Variants in SERPINE2 observed in about 807,000 individuals in gnomAD.
SERPINE2 encodes the protein serpin family E member 2.
A neutral mutation model predicts 36.3 loss-of-function variants in SERPINE2; 14 were observed. That is an observed-to-expected ratio of 0.39 (90% confidence interval 0.25 to 0.60). SERPINE2 has a LOEUF of 0.60. Ranked by LOEUF, SERPINE2 falls within the 20% of genes least tolerant of loss-of-function variation. SERPINE2 has a pLI of 0.57. For synonymous variants in SERPINE2, 192 were observed against 191.8 expected (o/e 1.00, Z -0.01); for missense variants, 418 against 499.6 (o/e 0.84, Z 1.56).
At position 224,031,449 on chromosome 2, in the gene SERPINE2, C is replaced by T. The variant is rs1172635600; in HGVS notation, c.-23+7650G>A. On this transcript the variant is annotated intron_variant, in intron 1 of 8. Coordinates refer to ENST00000409304, the MANE Select transcript of SERPINE2 (RefSeq NM_001136528.2). ...GGGGAACGCCAGGCAGCACGGTCCT[C>T]TCCACTCCCTTTCCTCCTAACCAAG... 1.1e-5 allele frequency: 11 copies of T among 985,606 alleles called. No individual in the cohort carries two copies. The South Asian group carries it at 3.3e-4, about 29-fold the overall frequency. The allele number at this position is 985,606 out of a possible 1,614,324, so 61.1% of individuals were successfully genotyped here. A position where few individuals can be genotyped will look rare whatever the true frequency, so the allele number is the denominator to read the frequency against.
chr2:224,001,931 G>A lies in SERPINE2; in HGVS notation c.-22-9C>T. 6.3e-7 allele frequency: 1 copy of A among 1,592,660 alleles called. No individual in the cohort carries two copies. The highest frequency in any genetic ancestry group is 1.8e-5 in the Admixed American group (1 of 57,088). The stretch of plus-strand genomic sequence containing the variant: ...CTTCCACCAAGGACGACCTGGAAAA[G>A]TAAGTTAAAAAATATTTAAATTATA... On this transcript the variant is annotated splice_polypyrimidine_tract_variant and intron_variant, in intron 1 of 8. Coordinates refer to ENST00000409304, the MANE Select transcript of SERPINE2 (RefSeq NM_001136528.2).
chr2:223,986,005 C>T (rs943946253), intron 4 of SERPINE2, among the ~76,000 whole-genome samples: 1 of 152,160 alleles, frequency 6.6e-6, no homozygotes, highest in African/African-American at 2.4e-5. Context: ...GTTTCTTGCA[C>T]GATTTTCACT....
intron 1 of SERPINE2, among the ~76,000 whole-genome samples, chr2:224,012,696 G>A (rs1425970965): frequency 6.6e-6 from 1 of 152,040 alleles, no homozygotes; most frequent in African/African-American, 2.4e-5. Flanking sequence ...GTGGGAATAT[G>A]AATATTTATT....
chr2:224,032,729 T>C (rs1308255401), intron 1 of SERPINE2, among the ~76,000 whole-genome samples: 1 of 152,244 alleles, frequency 6.6e-6, no homozygotes. Flanking sequence ...GGCAAAAGCC[T>C]GGGTGTTCCT....
At chr2:224,006,190 C>T (rs1030514741) in intron 1 of SERPINE2, among the ~76,000 whole-genome samples, 4 of 152,188 alleles carry the variant, frequency 2.6e-5, no homozygotes, top group African/African-American at 9.7e-5. Flanking sequence ...ACAGGTGATG[C>T]TCAAATATGC....
At chr2:224,005,924 T>C (rs1574834121) in intron 1 of SERPINE2, among the ~76,000 whole-genome samples, 1 of 152,212 alleles carries the variant, frequency 6.6e-6, no homozygotes, top group East Asian at 1.9e-4. Flanking sequence ...AAATGCCAGG[T>C]ATCTCCTTCC....
Position 224,016,485 on chromosome 2 carries a change from G to A in SERPINE2, c.-22-14563C>T, listed in dbSNP as rs999351180. 4.1e-5 allele frequency among the ~76,000 whole-genome samples: 6 copies of A among 145,920 alleles called. No homozygotes were observed. The South Asian group carries it at 1.4e-3, about 33-fold the overall frequency. Reference sequence around the variant, plus strand: ...TGTGCTATTGCACTCCAGCCTGGGCGACAAGAGCGAAAGTCCGTCTCAAAA... The same window carrying A: ...TGTGCTATTGCACTCCAGCCTGGGCAACAAGAGCGAAAGTCCGTCTCAAAA... On this transcript the variant is annotated intron_variant, in intron 1 of 8. Coordinates refer to ENST00000409304, the MANE Select transcript of SERPINE2 (RefSeq NM_001136528.2).
At chr2:224,036,886 A>T (rs1312228346) in intron 1 of SERPINE2, among the ~76,000 whole-genome samples, 1 of 152,124 alleles carries the variant, frequency 6.6e-6, no homozygotes, top group Non-Finnish European at 1.5e-5. Flanking sequence ...AAGAAAAGGG[A>T]GTAACACTCA....
chr2:224,008,656 C>T (rs191616030), intron 1 of SERPINE2, among the ~76,000 whole-genome samples: 81 of 152,314 alleles, frequency 5.3e-4, no homozygotes, highest in South Asian at 1.4e-3. Flanking sequence ...TCATTTTATA[C>T]ATCTTCTGTT....
chr2:224,005,609 C>T (rs1334055340), intron 1 of SERPINE2, among the ~76,000 whole-genome samples: 10 of 152,138 alleles, frequency 6.6e-5, no homozygotes, highest in Admixed American at 1.3e-4. Flanking sequence ...AATAGACAAT[C>T]GTTTACATGA....
At chr2:224,038,816 CG>C in intron 1 of SERPINE2, 1 of 384,368 alleles carries the variant, frequency 2.6e-6, no homozygotes, top group South Asian at 6.3e-5. Flanking sequence ...GACGCCACCC[CG>C]GGGCGGCCCC....
intron 1 of SERPINE2, among the ~76,000 whole-genome samples, chr2:224,018,263 TC>T (rs1000609160): frequency 1.5e-4 from 23 of 152,364 alleles, no homozygotes; most frequent in Admixed American, 1.4e-3. Context: ...GGAAGTGTTT[TC>T]CTACCAGCCT....
At chr2:224,022,998 C>T (rs753585938) in intron 1 of SERPINE2, among the ~76,000 whole-genome samples, 2 of 152,200 alleles carry the variant, frequency 1.3e-5, no homozygotes, top group Non-Finnish European at 2.9e-5. Context: ...CTTTGCCTTC[C>T]ACCATGATTG....
At chr2:224,022,236 G>T (rs542840100) in intron 1 of SERPINE2, among the ~76,000 whole-genome samples, 6 of 150,920 alleles carry the variant, frequency 4.0e-5, no homozygotes, top group Admixed American at 3.3e-4. Flanking sequence ...TGAGGCTGAG[G>T]TGGGAGAATC....
intron 1 of SERPINE2, among the ~76,000 whole-genome samples, chr2:224,022,325 C>T (rs1372612515): frequency 3.5e-5 from 4 of 113,100 alleles, no homozygotes; most frequent in Non-Finnish European, 1.9e-5. Flanking sequence ...GAGTGAGACC[C>T]TGTCTCAAGA....
At chr2:224,005,950 TTC>T (rs1321018791) in intron 1 of SERPINE2, among the ~76,000 whole-genome samples, 7 of 152,200 alleles carry the variant, frequency 4.6e-5, no homozygotes, top group Non-Finnish European at 8.8e-5. Flanking sequence ...TTCTTCTAGT[TTC>T]TCTTACTTCA....
intron 1 of SERPINE2, among the ~76,000 whole-genome samples, chr2:224,027,342 G>A (rs2106198205): frequency 6.6e-6 from 1 of 152,308 alleles, no homozygotes; most frequent in Non-Finnish European, 1.5e-5. Context: ...CCTGGCCCAT[G>A]GCTCGCATGG....
chr2:223,986,078 C>A (rs1292601599), intron 4 of SERPINE2, among the ~76,000 whole-genome samples: 3 of 152,090 alleles, frequency 2.0e-5, no homozygotes, highest in African/African-American at 7.2e-5. Context: ...CTTCAATATG[C>A]CAGTTCTCCA....
chr2:223,983,918 C>CTTAT (rs1176273582), intron 5 of SERPINE2, among the ~76,000 whole-genome samples: 13 of 149,488 alleles, frequency 8.7e-5, no homozygotes, highest in African/African-American at 3.2e-4. Context: ...ATGCCACCAT[C>CTTAT]TTATTTATTT....
Sources: allele counts gnomAD v4.1 joint callset (sites outside exome capture counted in the v4.1 genomes callset), GRCh38; gene constraint gnomAD v4.1.1; transcripts MANE v1.5; gene names NCBI Gene and HGNC (gene_info 2026-07-23, HGNC 2026-07-21).